PCMT1: variants seen among roughly 807,000 people sequenced by gnomAD.
PCMT1 encodes the protein protein-L-isoaspartate(D-aspartate) O-methyltransferase.
Under a neutral mutation model 29.2 loss-of-function variants are expected in PCMT1, and 9 were observed. The ratio of observed to expected loss-of-function variants is 0.31; its 90% confidence interval spans 0.19 to 0.54. The LOEUF (loss-of-function observed/expected upper bound fraction) is 0.54, where lower values mean the gene tolerates loss of function less well. PCMT1 is among the 20% of genes least tolerant of loss of function. The pLI is 0.95. For missense variants in PCMT1, 184 were observed against 282.2 expected (o/e 0.65, Z 2.49); for synonymous variants, 98 against 97.5 (o/e 1.00, Z -0.03).
intron 6 of PCMT1, among the ~76,000 whole-genome samples, chr6:149,799,514 ATCTCTT>A (rs1460916554): frequency 2.0e-5 from 3 of 152,196 alleles, no homozygotes; most frequent in Non-Finnish European, 4.4e-5. Flanking sequence ...GCAAATCTCC[ATCTCTT>A]TCTTTTAATA....
chr6:149,795,293 CA>C, intron 5 of PCMT1: 2 of 395,936 alleles, frequency 5.1e-6, no homozygotes, highest in South Asian at 2.4e-5. Context: ...CCTTGTTCTC[CA>C]AAAGCCTCTC....
At chr6:149,777,303 A>G (rs1397428075) in intron 3 of PCMT1, among the ~76,000 whole-genome samples, 2 of 152,232 alleles carry the variant, frequency 1.3e-5, no homozygotes, top group African/African-American at 4.8e-5. Flanking sequence ...TGAATATTGT[A>G]CTGAAAGTGG....
chr6:149,780,808 G>C (rs1787784154), intron 3 of PCMT1, among the ~76,000 whole-genome samples: 1 of 152,140 alleles, frequency 6.6e-6, no homozygotes, highest in Non-Finnish European at 1.5e-5. Context: ...TAATGCTGCA[G>C]TGAACATTTG....
intron 1 of PCMT1, among the ~76,000 whole-genome samples, chr6:149,769,458 G>A (rs1787223391): frequency 6.6e-6 from 1 of 150,992 alleles, no homozygotes; most frequent in African/African-American, 2.4e-5. Flanking sequence ...GGATTACAGG[G>A]GTGCGCCACC....
chr6:149,782,981 C>A (rs1414270140), intron 3 of PCMT1, among the ~76,000 whole-genome samples: 2 of 151,898 alleles, frequency 1.3e-5, no homozygotes, highest in African/African-American at 4.8e-5. Flanking sequence ...CAAAGCAAGA[C>A]CCTGACTCTA....
At chr6:149,777,453 T>C (rs1787615851) in intron 3 of PCMT1, among the ~76,000 whole-genome samples, 1 of 115,732 alleles carries the variant, frequency 8.6e-6, no homozygotes, top group Non-Finnish European at 1.6e-5. Flanking sequence ...TTGTGGAGTA[T>C]TGTGAAACTG....
intron 6 of PCMT1, among the ~76,000 whole-genome samples, chr6:149,801,643 T>C (rs1775830860): frequency 6.6e-6 from 1 of 152,016 alleles, no homozygotes; most frequent in Non-Finnish European, 1.5e-5. Flanking sequence ...AGTTGGAGTT[T>C]CACTGTGTTG....
chr6:149,758,358 A>G lies in PCMT1; in HGVS notation c.55+8402A>G, dbSNP rs1396206748. On this transcript the variant is annotated intron_variant, in intron 1 of 7. Coordinates refer to ENST00000464889, the MANE Select transcript of PCMT1 (RefSeq NM_001360452.2). ...CCTGAGTAGCTAGGATTACAGGCAT[A>G]TGCTACCACGCCTGGCTAATTTTTG... 3.4e-5 allele frequency among the ~76,000 whole-genome samples: 5 copies of G among 147,874 alleles called. No homozygotes were observed. In the East Asian group the frequency reaches 8.2e-4, roughly 24 times the overall value.
At chr6:149,777,646 G>T (rs994310869) in intron 3 of PCMT1, among the ~76,000 whole-genome samples, 1 of 152,082 alleles carries the variant, frequency 6.6e-6, no homozygotes, top group Admixed American at 6.6e-5. Context: ...GCACATATAT[G>T]TTTTTCTTTG....
chr6:149,762,843 C>A (rs1786861224), intron 1 of PCMT1, among the ~76,000 whole-genome samples: 1 of 39,024 alleles, frequency 2.6e-5, no homozygotes, highest in Non-Finnish European at 3.5e-5. Flanking sequence ...ATATATATAT[C>A]TATGATATAT....
chr6:149,793,720 A>C (rs1370693147), intron 5 of PCMT1, 51 bp downstream of exon 5: 1 of 1,467,884 alleles, frequency 6.8e-7, no homozygotes, highest in Non-Finnish European at 9.1e-7. Flanking sequence ...TTATTTTCAG[A>C]AGATCCAATG....
intron 2 of PCMT1, among the ~76,000 whole-genome samples, 196 bp from the exon 3 acceptor site, chr6:149,772,942 G>A (rs1395378552): frequency 6.6e-6 from 1 of 151,450 alleles, no homozygotes; most frequent in Non-Finnish European, 1.5e-5. Flanking sequence ...GCGTGAACCT[G>A]GGAGGCGGAG....
At chr6:149,758,682 A>G (rs2115206037) in intron 1 of PCMT1, among the ~76,000 whole-genome samples, 1 of 152,274 alleles carries the variant, frequency 6.6e-6, no homozygotes, top group South Asian at 2.1e-4. Context: ...CAAGGAACAT[A>G]TCCTTTGAGA....
At chr6:149,758,208 CTTTTT>C (rs756014067) in intron 1 of PCMT1, among the ~76,000 whole-genome samples, 1 of 73,916 alleles carries the variant, frequency 1.4e-5, no homozygotes, top group Non-Finnish European at 2.5e-5. Flanking sequence ...TTCTTTCTTT[CTTTTT>C]TTTTTTTTTT....
intron 4 of PCMT1, 105 bp downstream of exon 4, chr6:149,790,163 T>C (rs1788297541): frequency 5.8e-6 from 4 of 693,854 alleles, no homozygotes; most frequent in Non-Finnish European, 9.8e-6. Flanking sequence ...TTGTTAATTC[T>C]ATTAGGATAG....
At chr6:149,800,920 T>A (rs746830689) in intron 6 of PCMT1, among the ~76,000 whole-genome samples, 3 of 152,214 alleles carry the variant, frequency 2.0e-5, no homozygotes, top group Non-Finnish European at 2.9e-5. Flanking sequence ...TCTATATTAG[T>A]TGGTTCAGTT....
Position 149,771,271 on chromosome 6 carries a change from G to C in PCMT1, c.160+5G>C. The stretch of plus-strand genomic sequence containing the variant: ...TGGATTCTCCACAATCAATAGGTAA[G>C]CTTTAGATTTCTGAAAATATCATAG... On this transcript the variant is annotated splice_donor_5th_base_variant and intron_variant, in intron 2 of 7. Coordinates refer to ENST00000464889, the MANE Select transcript of PCMT1 (RefSeq NM_001360452.2). The C allele has an allele frequency of 6.6e-7, 1 of 1,514,842 alleles. No individual in the cohort carries two copies. The highest frequency in any genetic ancestry group is 1.4e-5 in the African/African-American group (1 of 72,878). The allele number at this position is 1,514,842 out of a possible 1,614,324, so 93.8% of individuals were successfully genotyped here.
intron 1 of PCMT1, among the ~76,000 whole-genome samples, chr6:149,764,585 T>A (rs961863676): frequency 2.0e-5 from 3 of 151,854 alleles, no homozygotes; most frequent in African/African-American, 7.3e-5. Context: ...AAAAAACTTT[T>A]AAAAATTAGC....
chr6:149,807,416 G>C (rs1027238239), intron 7 of PCMT1, among the ~76,000 whole-genome samples: 1 of 152,042 alleles, frequency 6.6e-6, no homozygotes, highest in Non-Finnish European at 1.5e-5. Flanking sequence ...CTGTCACCCA[G>C]GCTGGAGTGC....
Sources: gnomAD v4.1 joint callset for allele counts (sites outside exome capture counted in the v4.1 genomes callset) on GRCh38, gnomAD v4.1.1 for gene constraint, MANE v1.5 for transcripts, NCBI Gene and HGNC (gene_info 2026-07-23, HGNC 2026-07-21) for gene names.